Variants in PPFIA2 observed in about 807,000 individuals in gnomAD.
PPFIA2 encodes the protein liprin-alpha-2.
Under a neutral mutation model 175.5 loss-of-function variants are expected in PPFIA2, and 46 were observed. That is an observed-to-expected ratio of 0.26 (90% CI 0.21 to 0.34). PPFIA2 has a LOEUF of 0.34. Among genes scored for constraint, PPFIA2 ranks in the 10% least tolerant of loss-of-function variants. The probability of loss-of-function intolerance (pLI) is 1.00; values close to 1 mark genes in which losing one functional copy is unlikely to be tolerated. For synonymous variants in PPFIA2, 568 were observed against 511.4 expected (o/e 1.11, Z -1.49); for missense variants, 1,179 against 1,506.1 (o/e 0.78, Z 3.60).
At chr12:81,755,303 A>T (rs925932277) in intron 2 of PPFIA2, among the ~76,000 whole-genome samples, 3 of 152,186 alleles carry the variant, frequency 2.0e-5, no homozygotes, top group Admixed American at 2.0e-4. Flanking sequence ...TAATGTTTCA[A>T]AGAAAAGTCA....
At chr12:81,586,198 C>T (rs2075285417) in intron 4 of PPFIA2, among the ~76,000 whole-genome samples, 2 of 151,902 alleles carry the variant, frequency 1.3e-5, no homozygotes, top group African/African-American at 4.8e-5. Context: ...AATCATGTGT[C>T]TTTTCTTCAC....
intron 4 of PPFIA2, among the ~76,000 whole-genome samples, chr12:81,508,564 A>T (rs918304146): frequency 6.6e-6 from 1 of 150,780 alleles, no homozygotes; most frequent in African/African-American, 2.4e-5. Context: ...AAACTTAAAG[A>T]ATTATAAATA....
intron 7 of PPFIA2, among the ~76,000 whole-genome samples, chr12:81,439,694 C>T (rs894001415): frequency 6.6e-5 from 10 of 152,108 alleles, no homozygotes; most frequent in Admixed American, 1.3e-4. Context: ...CTTCTTGAAA[C>T]GACTGACGTT....
intron 5 of PPFIA2, among the ~76,000 whole-genome samples, chr12:81,447,357 A>G (rs2051486530): frequency 6.6e-6 from 1 of 152,142 alleles, no homozygotes; most frequent in Non-Finnish European, 1.5e-5. Context: ...TCTGATGTCA[A>G]TCTTTCGCTG....
rs1466689552 is a variant in PPFIA2, at chr12:81,632,371, G to T, written c.303+44420C>A. On this transcript the variant is annotated intron_variant, in intron 4 of 32. Transcript: ENST00000549396. ...CTTAAAAATCATCCTTACATAATTT[G>T]AAAAACATATAATGAATACCACTAT... is the stretch of plus-strand genomic sequence containing the variant. Among the ~76,000 whole-genome samples, 4 of 151,632 alleles carry T rather than the reference G, an allele frequency of 2.6e-5. No homozygotes were observed. The East Asian group carries it at 7.8e-4, about 30-fold the overall frequency.
At position 81,374,614 on chromosome 12, in the gene PPFIA2, C is replaced by T. The variant is rs747490689; in HGVS notation, c.1266+20G>A. The stretch of plus-strand genomic sequence containing the variant: ...TTTCTACAAATATATCTAGGTTGAC[C>T]AGTTGTTCTAGTGCAGTACCTTGGT... On this transcript the variant is annotated intron_variant, in intron 11 of 32. Coordinates refer to ENST00000549396, the MANE Select transcript of PPFIA2 (RefSeq NM_003625.5). 5 of 1,582,358 alleles carry T rather than the reference C, an allele frequency of 3.2e-6. No individual in the cohort carries two copies. In the South Asian group the frequency reaches 3.5e-5, roughly 11 times the overall value.
chr12:81,706,557 T>G lies in PPFIA2; in HGVS notation c.250-29713A>C, dbSNP rs1331848627. Among the ~76,000 whole-genome samples the G allele has an allele frequency of 4.6e-5, 7 of 152,298 alleles. No individual in the cohort carries two copies. The East Asian group carries it at 1.4e-3, about 29-fold the overall frequency. ...ATTTCTAATAGAACTTTTTTATAAGTTAAAGCTAAAGAGAAAAGTCTAAAT... is the reference window on the plus strand; with the variant it reads ...ATTTCTAATAGAACTTTTTTATAAGGTAAAGCTAAAGAGAAAAGTCTAAAT... On this transcript the variant is annotated intron_variant, in intron 3 of 32. Coordinates refer to ENST00000549396, the MANE Select transcript of PPFIA2 (RefSeq NM_003625.5).
At chr12:81,585,967 TATG>T (rs2153435297) in intron 4 of PPFIA2, among the ~76,000 whole-genome samples, 1 of 152,036 alleles carries the variant, frequency 6.6e-6, no homozygotes, top group East Asian at 1.9e-4. Context: ...TTATGATGAC[TATG>T]ATATTATGAT....
intron 4 of PPFIA2, among the ~76,000 whole-genome samples, chr12:81,642,834 G>A (rs10746197): frequency 0.87 from 27,924 of 32,058 alleles, 13,017 homozygotes; most frequent in East Asian, 1. Flanking sequence ...ATGTATGTAT[G>A]TATTACATAC....
In PPFIA2 at chr12:81,283,020, C is replaced by G. The variant is rs1392685159; in HGVS notation, c.3008G>C (p.Ser1003Thr). The G allele has an allele frequency of 3.1e-6, 5 of 1,612,042 alleles. 2 individuals are homozygous for G. The South Asian group carries it at 5.5e-5, about 18-fold the overall frequency. Residue 1003 changes from serine to threonine, a missense_variant, in exon 26 of 33, where the codon AGC becomes ACC. Ser to Thr is a moderately conservative substitution (Grantham distance 58, BLOSUM62 1). Transcript: ENST00000549396. ...ATATGAATCTCCTACCTGGGCCCAG[C>G]TTCCTTCCTCAGATTCTTTCTGTGT... Reference protein sequence around the residue: ...PAKTKESEEGSWAQCPVFLQT... With the variant: ...PAKTKESEEGTWAQCPVFLQT...
At chr12:81,369,362 T>C (rs1247613528) in intron 11 of PPFIA2, 168 bp from the exon 12 acceptor site, 3 of 1,469,878 alleles carry the variant, frequency 2.0e-6, no homozygotes, top group African/African-American at 2.8e-5. Context: ...TTGAAATGTG[T>C]CAGCTACAAA....
chr12:81,635,761 C>A (rs961844653), intron 4 of PPFIA2, among the ~76,000 whole-genome samples: 1 of 152,106 alleles, frequency 6.6e-6, no homozygotes, highest in Non-Finnish European at 1.5e-5. Flanking sequence ...AGCTAGATTG[C>A]CTATAACCTA....
At chr12:81,260,441 G>A (rs1177269852) in intron 32 of PPFIA2, 2 of 152,156 alleles carry the variant, frequency 1.3e-5, no homozygotes, top group African/African-American at 2.4e-5. Flanking sequence ...TTAGTGAAGT[G>A]TTCATTTCCT....
At chr12:81,468,155 G>A (rs2056063600) in intron 4 of PPFIA2, among the ~76,000 whole-genome samples, 1 of 152,110 alleles carries the variant, frequency 6.6e-6, no homozygotes, top group Non-Finnish European at 1.5e-5. Context: ...AGAGAGGGAG[G>A]TCATCAGGAA....
intron 30 of PPFIA2, among the ~76,000 whole-genome samples, chr12:81,266,034 C>T (rs1290831466): frequency 6.6e-6 from 1 of 152,142 alleles, no homozygotes; most frequent in African/African-American, 2.4e-5. Flanking sequence ...GACTGTAGAA[C>T]TTATCTCTCT....
chr12:81,758,497 G>T lies in PPFIA2; in HGVS notation c.-100C>A, dbSNP rs2085040374. Reference sequence around the variant, plus strand: ...AGGGAGGCTCACACCCAGCACTCCTGGACCATTTCCCTAGCAACGGGAGGA... The same window carrying T: ...AGGGAGGCTCACACCCAGCACTCCTTGACCATTTCCCTAGCAACGGGAGGA... On this transcript the variant is annotated 5_prime_UTR_variant, in exon 2 of 33. Transcript: ENST00000549396. 1 of 452,914 alleles carries T rather than the reference G, an allele frequency of 2.2e-6. No homozygotes were observed. Among genetic ancestry groups the T allele is most frequent in the Non-Finnish European group, 4.5e-6 (1 of 224,402 alleles). 28.1% of individuals were successfully genotyped at this position (452,914 alleles called of 1,614,324 possible).
At chr12:81,376,308 G>T (rs1025179844) in intron 9 of PPFIA2, among the ~76,000 whole-genome samples, 1 of 152,034 alleles carries the variant, frequency 6.6e-6, no homozygotes, top group Non-Finnish European at 1.5e-5. Flanking sequence ...TTGTTAAAAT[G>T]GTGGCTACAG....
At chr12:81,358,371 C>T (rs1306264440) in intron 15 of PPFIA2, among the ~76,000 whole-genome samples, 154 bp from the exon 16 acceptor site, 1 of 152,136 alleles carries the variant, frequency 6.6e-6, no homozygotes, top group African/African-American at 2.4e-5. Context: ...TCTCTGAGGC[C>T]TCTTTAGAGA....
intron 4 of PPFIA2, among the ~76,000 whole-genome samples, chr12:81,650,682 T>G (rs1374608167): frequency 6.6e-6 from 1 of 152,180 alleles, no homozygotes; most frequent in Non-Finnish European, 1.5e-5. Context: ...TATGCAATAT[T>G]TCTCAAATAA....
Sources: gnomAD v4.1 joint callset for allele counts (sites outside exome capture counted in the v4.1 genomes callset) on GRCh38, gnomAD v4.1.1 for gene constraint, MANE v1.5 for transcripts, NCBI Gene and HGNC (gene_info 2026-07-23, HGNC 2026-07-21) for gene names.